LRRC8A: variants seen among roughly 807,000 people sequenced by gnomAD.
LRRC8A encodes leucine rich repeat containing 8 VRAC subunit A.
In LRRC8A, 24 loss-of-function variants were observed where a neutral mutation model predicts 52.5. The ratio of observed to expected loss-of-function variants is 0.46; its 90% CI spans 0.33 to 0.64. LRRC8A has a LOEUF of 0.64. LRRC8A is among the 30% of genes least tolerant of loss of function. The pLI is 0.02. For synonymous variants in LRRC8A, 492 were observed against 494.2 expected, an observed-to-expected ratio of 1.00 and a Z score of 0.06; for missense variants, 677 against 1,094.7, an observed-to-expected ratio of 0.62 and a Z score of 5.38.
In LRRC8A at chr9:128,908,740, A is replaced by G; in HGVS notation, c.1576A>G (p.Asn526Asp). 4.3e-6 allele frequency: 7 copies of G among 1,613,222 alleles called. No homozygotes were observed. The highest frequency in any genetic ancestry group is 1.1e-5 in the South Asian group (1 of 91,088). The change falls in exon 3 of 4, where the codon AAC becomes GAC. Residue 526 changes from asparagine (N) to aspartate (D), a missense_variant. Transcript: ENST00000372600. ...KTLEELHLTG[N>D]LSAENNRYIV... Reference sequence around the variant, plus strand: ...ACTGGAGGAGCTGCACCTGACGGGCAACCTGAGCGCGGAGAACAACCGCTA... The same window carrying G: ...ACTGGAGGAGCTGCACCTGACGGGCGACCTGAGCGCGGAGAACAACCGCTA...
At chr9:128,885,216 C>T (rs1054179812) in intron 1 of LRRC8A, 1 of 152,436 alleles carries the variant, frequency 6.6e-6, no homozygotes, top group African/African-American at 2.4e-5. Context: ...GGTTGACTGT[C>T]GGAGATGATG....
rs1840497836 is a variant in LRRC8A at position 128,911,021 on chromosome 9, GTCCTCCCAACAGGGTCTGTCTATAGCA to G, written c.2157+1706_2157+1732del. ...TGTCCTCCTTCCACCAACCTGCTGA[GTCCTCCCAACAGGGTCTGTCTATAGCA>G]TCCTCAGGCACGGAGGGAGGTGGCC... On this transcript the variant is annotated intron_variant, in intron 3 of 3. Transcript: ENST00000372600. This position sits in a 1 kb window ranked among gnomAD's most constrained non-coding sequence, Gnocchi z 4.9. 1.3e-5 allele frequency among the ~76,000 whole-genome samples: 2 copies of G among 152,178 alleles called. No homozygotes were observed.
rs1477460273 is a variant in LRRC8A at position 128,892,018 on chromosome 9, A to G, written c.-9+5897A>G. Among the ~76,000 whole-genome samples, 1 of 152,220 alleles carries G rather than the reference A, an allele frequency of 6.6e-6. No homozygotes were observed. On this transcript the variant is annotated intron_variant, in intron 2 of 3. Transcript: ENST00000372600. The surrounding 1 kb of genome is among the most constrained non-coding windows in gnomAD (Gnocchi z 5.2). ...TCCAGAGCCTTACTGTATGGCAGGCACTAGTCCAAAAGCTTTATATGGACT... is the reference window on the plus strand; with the variant it reads ...TCCAGAGCCTTACTGTATGGCAGGCGCTAGTCCAAAAGCTTTATATGGACT...
rs1019241757 is a variant in LRRC8A at position 128,916,614 on chromosome 9, G to A, written c.*243G>A. On this transcript the variant is annotated 3_prime_UTR_variant, in exon 4 of 4. Coordinates refer to ENST00000372600, the MANE Select transcript of LRRC8A (RefSeq NM_019594.4). This position sits in a 1 kb window ranked among gnomAD's most constrained non-coding sequence, Gnocchi z 6.1. ...GCTTGTGGAGGAGAGCAAGTCTCAA[G>A]AGCGCAGTATTTGGATAATCAGGGT... is the stretch of plus-strand genomic sequence containing the variant. The A allele has an allele frequency of 1.4e-4, 79 of 545,886 alleles. No individual in the cohort carries two copies. Among genetic ancestry groups the A allele is most frequent in the African/African-American group, 1.4e-3 (74 of 53,350 alleles). 33.8% of individuals were successfully genotyped at this position (545,886 alleles called of 1,614,324 possible).
intron 1 of LRRC8A, among the ~76,000 whole-genome samples, chr9:128,883,866 C>T (rs551300895): frequency 1.3e-5 from 2 of 152,098 alleles, no homozygotes; most frequent in East Asian, 1.9e-4. Context: ...CCCAGCTATT[C>T]GGGAGGCTGA....
chr9:128,895,721 C>A (rs1839797925), intron 2 of LRRC8A, among the ~76,000 whole-genome samples: 1 of 152,162 alleles, frequency 6.6e-6, no homozygotes. Flanking sequence ...TCCTCAGGGG[C>A]TGAGGAGCAG....
rs1283819888 is a variant in LRRC8A, at chr9:128,909,257, C to T, written c.2093C>T (p.Thr698Ile). The change falls in exon 3 of 4, where the codon ACC becomes ATC. Residue 698 changes from threonine (T) to isoleucine (I), a missense_variant. Transcript: ENST00000372600. ...RYLDLSHNNLTFLPADIGLLQ... is the reference protein window; with the variant it reads ...RYLDLSHNNLIFLPADIGLLQ... Reference sequence around the variant, plus strand: ...CTGGACCTCAGCCACAACAACCTGACCTTCCTCCCTGCCGACATCGGCCTC... The same window carrying T: ...CTGGACCTCAGCCACAACAACCTGATCTTCCTCCCTGCCGACATCGGCCTC... 6.2e-7 allele frequency: 1 copy of T among 1,614,000 alleles called. No individual in the cohort carries two copies. Among genetic ancestry groups the T allele is most frequent in the Admixed American group, 1.7e-5 (1 of 60,012 alleles).
In LRRC8A at chr9:128,884,801, G is replaced by A. The variant is rs537874494; in HGVS notation, c.-115-1214G>A. On this transcript the variant is annotated intron_variant, in intron 1 of 3. Transcript: ENST00000372600. ...GTAGAGGTTGGCTTGGATGGCCTCCGTGCCTATATAGCTGTAGGTACTTTA... is the reference window on the plus strand; with the variant it reads ...GTAGAGGTTGGCTTGGATGGCCTCCATGCCTATATAGCTGTAGGTACTTTA... Among the ~76,000 whole-genome samples, 7 of 152,198 alleles carry A rather than the reference G, an allele frequency of 4.6e-5. 1 individual carries two copies. The East Asian group carries it at 9.7e-4, about 21-fold the overall frequency.
chr9:128,900,488 C>G (rs140747976), intron 2 of LRRC8A, among the ~76,000 whole-genome samples: 1 of 151,754 alleles, frequency 6.6e-6, no homozygotes, highest in Non-Finnish European at 1.5e-5. Flanking sequence ...GTGGGCAGAT[C>G]GCTTGAGGTC....
chr9:128,902,953 T>C lies in LRRC8A; in HGVS notation c.-8-4204T>C, dbSNP rs146148161. 2.8e-3 allele frequency among the ~76,000 whole-genome samples: 432 copies of C among 152,258 alleles called. 8 individuals carry two copies. The highest frequency in any genetic ancestry group is 9.9e-3 in the African/African-American group (411 of 41,546). On this transcript the variant is annotated intron_variant, in intron 2 of 3. Transcript: ENST00000372600. This position sits in a 1 kb window ranked among gnomAD's most constrained non-coding sequence, Gnocchi z 4.1. ...TGGTAATGCTGAGGGGCGGGGAAGC[T>C]GCACTCCCAGTCCTGTTTCTCTTGG...
chr9:128,912,610 C>CT (rs1840605646), intron 3 of LRRC8A: 1 of 152,328 alleles, frequency 6.6e-6, no homozygotes, highest in Admixed American at 6.5e-5. Context: ...GCTCTGATGA[C>CT]TAAGACCTAG....
chr9:128,903,192 C>T (rs887224222), intron 2 of LRRC8A, among the ~76,000 whole-genome samples: 16 of 152,074 alleles, frequency 1.1e-4, no homozygotes, highest in African/African-American at 3.9e-4. Context: ...TCTTGGGCAT[C>T]AAGGATGACC....
intron 2 of LRRC8A, among the ~76,000 whole-genome samples, chr9:128,891,417 C>G (rs1839613466): frequency 6.6e-6 from 1 of 152,250 alleles, no homozygotes; most frequent in South Asian, 2.1e-4. Context: ...TTAAAAATAG[C>G]CAGGTGTGGT....
At chr9:128,886,509 CT>C (rs1429803656) in intron 2 of LRRC8A, among the ~76,000 whole-genome samples, 6 of 152,188 alleles carry the variant, frequency 3.9e-5, no homozygotes, top group Non-Finnish European at 8.8e-5. Context: ...GAAACAAAGA[CT>C]TCTTGTTATC....
chr9:128,895,520 GCT>G (rs1444240527), intron 2 of LRRC8A, among the ~76,000 whole-genome samples: 1 of 152,186 alleles, frequency 6.6e-6, no homozygotes, highest in East Asian at 1.9e-4. Flanking sequence ...GAAGGCTGGG[GCT>G]CTCTGGGTTA....
intron 2 of LRRC8A, among the ~76,000 whole-genome samples, chr9:128,896,035 T>C (rs1314997213): frequency 6.6e-6 from 1 of 152,226 alleles, no homozygotes; most frequent in Non-Finnish European, 1.5e-5. Flanking sequence ...TTAAGTAAAA[T>C]ATTCCAAGCA....
chr9:128,916,618 G>T lies in LRRC8A; in HGVS notation c.*247G>T. The stretch of plus-strand genomic sequence containing the variant: ...GTGGAGGAGAGCAAGTCTCAAGAGC[G>T]CAGTATTTGGATAATCAGGGTCTCC... On this transcript the variant is annotated 3_prime_UTR_variant, in exon 4 of 4. Transcript: ENST00000372600. The surrounding 1 kb of genome is among the most constrained non-coding windows in gnomAD (Gnocchi z 6.1). The T allele has an allele frequency of 1.9e-6, 1 of 529,390 alleles. No homozygotes were observed. The highest frequency in any genetic ancestry group is 3.0e-5 in the East Asian group (1 of 33,236). 32.8% of individuals were successfully genotyped at this position (529,390 alleles called of 1,614,324 possible). A position where few individuals can be genotyped will look rare whatever the true frequency, so the allele number is the denominator to read the frequency against.
At chr9:128,890,130 T>TTGTGTGTGTGTGTGTG (rs57721007) in intron 2 of LRRC8A, among the ~76,000 whole-genome samples, 2,858 of 128,230 alleles carry the variant, frequency 0.022, 78 homozygotes, top group Admixed American at 0.049. Flanking sequence ...TGGCTTCATT[T>TTGTGTGTGTGTGTGTG]TGTGTGTGTG....
chr9:128,888,232 A>G (rs1839473381), intron 2 of LRRC8A, among the ~76,000 whole-genome samples: 2 of 152,110 alleles, frequency 1.3e-5, no homozygotes, highest in Non-Finnish European at 2.9e-5. Context: ...GTAGTCTTTC[A>G]TGCTGGGCAG....
Sources: gnomAD v4.1 joint callset for allele counts (sites outside exome capture counted in the v4.1 genomes callset) on GRCh38, gnomAD v4.1.1 for gene constraint, Gnocchi (gnomAD v3.1) non-coding constraint, MANE v1.5 for transcripts, NCBI Gene and HGNC (gene_info 2026-07-23, HGNC 2026-07-21) for gene names.